NEMP2: variants seen among roughly 807,000 people sequenced by gnomAD.
NEMP2 encodes UPF0571 transmembrane protein.
NEMP2 carries 53 observed loss-of-function variants against 54.2 expected under a neutral mutation model. The ratio of observed to expected loss-of-function variants is 0.98; its 90% confidence interval spans 0.78 to 1.23. The LOEUF (loss-of-function observed/expected upper bound fraction) is 1.23. Ranked by LOEUF, NEMP2 falls within the 50% of genes most tolerant of loss-of-function variation. The pLI is 0.00. For synonymous variants in NEMP2, 197 were observed against 190.3 expected, an observed-to-expected ratio of 1.04 and a Z score of -0.29; for missense variants, 455 against 511.3, an observed-to-expected ratio of 0.89 and a Z score of 1.06.
rs1222949515 is a variant in NEMP2 at position 190,522,387 on chromosome 2, AG to A, written c.213+2875del. On this transcript the variant is annotated intron_variant, in intron 2 of 8. Transcript: ENST00000409150. The surrounding 1 kb of genome is among the most constrained non-coding windows in gnomAD (Gnocchi z 5.0). ...AAATCTAAAAAATTAAAAATTAAGAAGGTTTTTTTTAAAAAAACAAAATCTC... is the reference window on the plus strand; with the variant it reads ...AAATCTAAAAAATTAAAAATTAAGAAGTTTTTTTTAAAAAAACAAAATCTC... 6.6e-6 allele frequency among the ~76,000 whole-genome samples: 1 copy of A among 152,018 alleles called. No homozygotes were observed. Among genetic ancestry groups the A allele is most frequent in the Non-Finnish European group, 1.5e-5 (1 of 68,024 alleles).
chr2:190,476,046 T>G, the NEMP2 span, among the ~76,000 whole-genome samples: 2 of 152,306 alleles, frequency 1.3e-5, no homozygotes, highest in South Asian at 4.1e-4. Flanking sequence ...CCTTACACCT[T>G]ATACAGAAAT....
the NEMP2 span, among the ~76,000 whole-genome samples, chr2:190,595,178 T>C: frequency 6.6e-6 from 1 of 152,182 alleles, no homozygotes; most frequent in East Asian, 1.9e-4. The surrounding 1 kb of genome is among the most constrained non-coding windows in gnomAD (Gnocchi z 4.0). Context: ...TAATAAATGG[T>C]GTTGGGAACA....
rs1196526059 is a variant in NEMP2, at chr2:190,523,622, T to G, written c.213+1641A>C. On this transcript the variant is annotated intron_variant, in intron 2 of 8. Transcript: ENST00000409150. The surrounding 1 kb of genome is among the most constrained non-coding windows in gnomAD (Gnocchi z 5.3). ...ACTGTTCCTTGGAAAAAAAATGTTATGATTCCAGAGCTAAGTCTATGAAAT... is the reference window on the plus strand; with the variant it reads ...ACTGTTCCTTGGAAAAAAAATGTTAGGATTCCAGAGCTAAGTCTATGAAAT... Among the ~76,000 whole-genome samples the G allele has an allele frequency of 6.6e-6, 1 of 151,924 alleles. No individual in the cohort carries two copies. The highest frequency in any genetic ancestry group is 2.4e-5 in the African/African-American group (1 of 41,376).
chr2:190,572,703 AAAG>A, the NEMP2 span, among the ~76,000 whole-genome samples: 3 of 151,410 alleles, frequency 2.0e-5, no homozygotes. Context: ...TCAGAATTAT[AAAG>A]TAGTGGCTTT....
chr2:190,506,535 A>AT lies in NEMP2; in HGVS notation c.*2653dup, dbSNP rs1003907912. The AT allele has an allele frequency of 2.0e-5, 3 of 152,164 alleles. No individual in the cohort carries two copies. Among genetic ancestry groups the AT allele is most frequent in the East Asian group, 1.9e-4 (1 of 5,198 alleles). The allele number at this position is 152,164 out of a possible 1,614,324, so 9.4% of individuals were successfully genotyped here. On this transcript the variant is annotated 3_prime_UTR_variant, in exon 9 of 9. Transcript: ENST00000409150. The surrounding 1 kb of genome is among the most constrained non-coding windows in gnomAD (Gnocchi z 6.3). Reference sequence around the variant, plus strand: ...AAATCTAAATATATGAAATTTCCAGATTTTTTTAAAAAGTCATAAATTGAA... The same window carrying AT: ...AAATCTAAATATATGAAATTTCCAGATTTTTTTTAAAAAGTCATAAATTGAA...
At chr2:190,462,772 A>G in the NEMP2 span, among the ~76,000 whole-genome samples, 6 of 152,196 alleles carry the variant, frequency 3.9e-5, no homozygotes, top group Non-Finnish European at 8.8e-5. This position sits in a 1 kb window ranked among gnomAD's most constrained non-coding sequence, Gnocchi z 5.7. Flanking sequence ...TATCTTGGAA[A>G]AAGGGAGAGA....
At chr2:190,500,113 C>T (rs772149258), downstream of NEMP2, 40 of 1,614,082 alleles carry the variant, frequency 2.5e-5, no homozygotes, top group African/African-American at 5.3e-5. This position sits in a 1 kb window ranked among gnomAD's most constrained non-coding sequence, Gnocchi z 5.3. Context: ...CATCCCCTGA[C>T]GCAGCAGCAT....
chr2:190,547,673 A>C, the NEMP2 span, among the ~76,000 whole-genome samples: 1 of 152,056 alleles, frequency 6.6e-6, no homozygotes, highest in East Asian at 1.9e-4. This position sits in a 1 kb window ranked among gnomAD's most constrained non-coding sequence, Gnocchi z 6.2. Flanking sequence ...CTACAGGTGC[A>C]CTGCACCACA....
In NEMP2 at chr2:190,525,421, G is replaced by C; in HGVS notation, c.98-43C>G. 8.5e-7 allele frequency: 1 copy of C among 1,179,502 alleles called. No homozygotes were observed. The allele number at this position is 1,179,502 out of a possible 1,614,324, so 73.1% of individuals were successfully genotyped here. On this transcript the variant is annotated intron_variant, in intron 1 of 8. Transcript: ENST00000409150. This position sits in a 1 kb window ranked among gnomAD's most constrained non-coding sequence, Gnocchi z 5.0. ...GAATGCATTTTCTAACTGTTTAATT[G>C]CCCAGAATCTTTTTTAAAAAAAGTT... is the stretch of plus-strand genomic sequence containing the variant.
At position 190,530,577 on chromosome 2, in the gene NEMP2, C is replaced by A. The variant is rs910149126; in HGVS notation, c.97+3982G>T. On this transcript the variant is annotated intron_variant, in intron 1 of 8. Transcript: ENST00000409150. The surrounding 1 kb of genome is among the most constrained non-coding windows in gnomAD (Gnocchi z 4.6). ...GTTCTCTCTAGAGAGAACAGATCTT[C>A]CAATCTTAGATTGATTATAAAGGCT... is the stretch of plus-strand genomic sequence containing the variant. Among the ~76,000 whole-genome samples the A allele has an allele frequency of 2.0e-5, 3 of 152,186 alleles. No individual in the cohort carries two copies. The highest frequency in any genetic ancestry group is 4.4e-5 in the Non-Finnish European group (3 of 68,028).
the NEMP2 span, chr2:190,469,853 A>G: frequency 1.3e-6 from 2 of 1,588,928 alleles, no homozygotes; most frequent in Admixed American, 3.4e-5. The surrounding 1 kb of genome is among the most constrained non-coding windows in gnomAD (Gnocchi z 5.3). Flanking sequence ...GAAGTTCTTC[A>G]AGGTAAGTTA....
the NEMP2 span, among the ~76,000 whole-genome samples, chr2:190,626,978 G>A: frequency 6.6e-6 from 1 of 152,150 alleles, no homozygotes; most frequent in African/African-American, 2.4e-5. The surrounding 1 kb of genome is among the most constrained non-coding windows in gnomAD (Gnocchi z 4.5). Context: ...CTCATTTCCA[G>A]AAAATCATAG....
At chr2:190,640,787 A>ATTTTTTTTTTTTTTT in the NEMP2 span, among the ~76,000 whole-genome samples, 1 of 118,032 alleles carries the variant, frequency 8.5e-6, no homozygotes, top group African/African-American at 3.5e-5. Flanking sequence ...AACACATTCA[A>ATTTTTTTTTTTTTTT]TTTTTTTTTT....
rs1690405863 is a variant in NEMP2, at chr2:190,512,563, T to C, written c.953+1890A>G. ...TTGAGGAAGTTATAGTACATTTTGA[T>C]TATTATAGAACACAGCTAGTGCACA... is the stretch of plus-strand genomic sequence containing the variant. On this transcript the variant is annotated intron_variant, in intron 7 of 8. Transcript: ENST00000409150. The surrounding 1 kb of genome is among the most constrained non-coding windows in gnomAD (Gnocchi z 4.5). Among the ~76,000 whole-genome samples the C allele has an allele frequency of 6.6e-6, 1 of 152,200 alleles. No individual in the cohort carries two copies. Among genetic ancestry groups the C allele is most frequent in the African/African-American group, 2.4e-5 (1 of 41,440 alleles).
chr2:190,631,832 G>A, the NEMP2 span, among the ~76,000 whole-genome samples: 2 of 152,144 alleles, frequency 1.3e-5, no homozygotes, highest in Non-Finnish European at 2.9e-5. Flanking sequence ...CAGGCAGGCA[G>A]GTTGCTTGAG....
the NEMP2 span, among the ~76,000 whole-genome samples, chr2:190,547,213 A>C: frequency 2.6e-5 from 4 of 152,222 alleles, no homozygotes; most frequent in Non-Finnish European, 5.9e-5. This position sits in a 1 kb window ranked among gnomAD's most constrained non-coding sequence, Gnocchi z 6.2. Flanking sequence ...GGTTTCATAG[A>C]AGACAAAAAC....
intron 4 of NEMP2, among the ~76,000 whole-genome samples, chr2:190,517,926 CAA>C (rs1458996192): frequency 6.6e-6 from 1 of 152,052 alleles, no homozygotes; most frequent in African/African-American, 2.4e-5. Flanking sequence ...ATTAAGGCAC[CAA>C]AAAGTTAAAA....
chr2:190,440,058 A>T, the NEMP2 span, among the ~76,000 whole-genome samples: 4 of 152,200 alleles, frequency 2.6e-5, no homozygotes, highest in Non-Finnish European at 4.4e-5. Context: ...ACAGAAGTAG[A>T]TCTGCCCATG....
At position 190,525,198 on chromosome 2, in the gene NEMP2, A is replaced by C. The variant is rs965465626; in HGVS notation, c.213+65T>G. 1.1e-6 allele frequency: 1 copy of C among 890,798 alleles called. No homozygotes were observed. The highest frequency in any genetic ancestry group is 1.8e-6 in the Non-Finnish European group (1 of 568,704). The allele number at this position is 890,798 out of a possible 1,614,324, so 55.2% of individuals were successfully genotyped here. A position where few individuals can be genotyped will look rare whatever the true frequency, so the allele number is the denominator to read the frequency against. On this transcript the variant is annotated intron_variant, in intron 2 of 8. Coordinates refer to ENST00000409150, the MANE Select transcript of NEMP2 (RefSeq NM_001142645.2). This position sits in a 1 kb window ranked among gnomAD's most constrained non-coding sequence, Gnocchi z 5.0. ...ATACTTTCTATTCCTGAAGTGGTACATTTCCTGTCCCCAGGACATGGTAAT... is the reference window on the plus strand; with the variant it reads ...ATACTTTCTATTCCTGAAGTGGTACCTTTCCTGTCCCCAGGACATGGTAAT...
Sources: allele counts gnomAD v4.1 joint callset (sites outside exome capture counted in the v4.1 genomes callset), GRCh38; gene constraint gnomAD v4.1.1; non-coding constraint Gnocchi (gnomAD v3.1); transcripts MANE v1.5; gene names NCBI Gene and HGNC (gene_info 2026-07-23, HGNC 2026-07-21).